Variants in NSD1 observed in about 807,000 individuals in gnomAD.
NSD1 encodes the protein nuclear receptor binding SET domain protein 1.
NSD1 carries 26 observed loss-of-function variants against 242.7 expected under a neutral mutation model. The observed-to-expected ratio is 0.11, with a 90% CI of 0.08 to 0.15. The LOEUF is 0.15. NSD1 is among the 10% of genes least tolerant of loss of function. The probability of loss-of-function intolerance (pLI) is 1.00; values close to 1 mark genes in which losing one functional copy is unlikely to be tolerated. For synonymous variants in NSD1, 1,106 were observed against 1,178.1 expected, an observed-to-expected ratio of 0.94 and a Z score of 1.25; for missense variants, 2,495 against 3,272.8, an observed-to-expected ratio of 0.76 and a Z score of 5.80.
In NSD1 at chr5:177,288,870, C is replaced by T. The variant is rs1178366251; in HGVS notation, c.6203C>T (p.Thr2068Ile). The part of the protein sequence containing the change: ...YNLECLGNGK[T>I]VCKCGAPNCS... Reference sequence around the variant, plus strand: ...CTAGAATGTCTTGGGAATGGAAAGACTGTTTGCAAATGTGGAGCCCCGAAC... The same window carrying T: ...CTAGAATGTCTTGGGAATGGAAAGATTGTTTGCAAATGTGGAGCCCCGAAC... Residue 2068 changes from threonine to isoleucine, a missense_variant, in exon 21 of 23, where the codon ACT becomes ATT. Around this residue, in one of 19 missense-constraint regions of NSD1, gnomAD observed 26 missense variants for 119.1 expected, o/e 0.22. Coordinates refer to ENST00000439151, the MANE Select transcript of NSD1 (RefSeq NM_022455.5). 1 of 1,614,026 alleles carries T rather than the reference C, an allele frequency of 6.2e-7. No individual in the cohort carries two copies. Among genetic ancestry groups the T allele is most frequent in the Non-Finnish European group, 8.5e-7 (1 of 1,180,026 alleles).
intron 2 of NSD1, among the ~76,000 whole-genome samples, chr5:177,190,902 C>G (rs551760312): frequency 6.7e-6 from 1 of 149,948 alleles, no homozygotes; most frequent in South Asian, 2.1e-4. Flanking sequence ...TTCCTGACCT[C>G]GTGATCTGCC....
At chr5:177,165,671 C>T (rs900948923) in intron 2 of NSD1, among the ~76,000 whole-genome samples, 4 of 152,096 alleles carry the variant, frequency 2.6e-5, no homozygotes, top group African/African-American at 9.7e-5. Context: ...TAGCTTACTA[C>T]AGCCTCGACT....
At position 177,259,982 on chromosome 5, in the gene NSD1, G is replaced by T. The variant is rs1756860018; in HGVS notation, c.4967-7G>T. The T allele has an allele frequency of 1.2e-6, 2 of 1,613,992 alleles. No individual in the cohort carries two copies. The highest frequency in any genetic ancestry group is 1.7e-6 in the Non-Finnish European group (2 of 1,180,006). On this transcript the variant is annotated splice_region_variant and splice_polypyrimidine_tract_variant and intron_variant, in intron 13 of 22. Coordinates refer to ENST00000439151, the MANE Select transcript of NSD1 (RefSeq NM_022455.5). ...TCTTTTGCTTGTCCCTGATTTTCCT[G>T]CTTTAGGTCGGTTGATGCGCTGTGT...
rs539626194 is a variant in NSD1 at position 177,162,681 on chromosome 5, C to T, written c.927+26651C>T. Among the ~76,000 whole-genome samples the T allele has an allele frequency of 3.9e-5, 6 of 152,036 alleles. No individual in the cohort carries two copies. In the East Asian group the frequency reaches 9.7e-4, roughly 24 times the overall value. On this transcript the variant is annotated intron_variant, in intron 2 of 22. Transcript: ENST00000439151. ...ACAGGCATGAGTTACCTTGCCTTGC[C>T]CATTATAGCTTTTTTGAGGCTGGGT...
intron 2 of NSD1, among the ~76,000 whole-genome samples, chr5:177,164,177 A>C (rs1400411629): frequency 7.7e-6 from 1 of 130,322 alleles, no homozygotes; most frequent in African/African-American, 2.9e-5. Flanking sequence ...TTTTTTTGAG[A>C]TGGAGTCTAG....
intron 2 of NSD1, among the ~76,000 whole-genome samples, chr5:177,139,228 G>A (rs147387275): frequency 0.032 from 4,580 of 142,968 alleles, 83 homozygotes; most frequent in African/African-American, 0.05. Context: ...TCTAGCCTGG[G>A]CAACAAGAGC....
At position 177,209,995 on chromosome 5, in the gene NSD1, C is replaced by T. The variant is rs1554188977; in HGVS notation, c.1596C>T (p.Asn532=). 1 of 1,614,082 alleles carries T rather than the reference C, an allele frequency of 6.2e-7. No individual in the cohort carries two copies. Residue 532 remains asparagine (N), a synonymous_variant, in exon 5 of 23, where the codon AAC becomes AAT. Coordinates refer to ENST00000439151, the MANE Select transcript of NSD1 (RefSeq NM_022455.5). ...AACGGAGGGGAAAGATTCCAGAGAACCTTGGCCTAAACTTTATCTCTGGGG... is the reference window on the plus strand; with the variant it reads ...AACGGAGGGGAAAGATTCCAGAGAATCTTGGCCTAAACTTTATCTCTGGGG... ...KDERRGKIPE[N]LGLNFISGDI...
At chr5:177,189,523 T>C (rs17077791) in intron 2 of NSD1, among the ~76,000 whole-genome samples, 12,773 of 152,292 alleles carry the variant, frequency 0.084, 1,164 homozygotes, top group African/African-American at 0.23. Context: ...AATGAGGTTT[T>C]GTTGTTATTG....
At chr5:177,256,926 A>G in intron 12 of NSD1, 25 bp from the exon 13 acceptor site, 1 of 1,594,422 alleles carries the variant, frequency 6.3e-7, no homozygotes. Context: ...AATTCTTACT[A>G]ATTTATCTTC....
At chr5:177,185,767 ATT>A (rs1194963716) in intron 2 of NSD1, among the ~76,000 whole-genome samples, 4 of 75,798 alleles carry the variant, frequency 5.3e-5, no homozygotes, top group African/African-American at 2.5e-4. Flanking sequence ...TATTTTATAT[ATT>A]TATATATTAT....
chr5:177,201,562 C>CTT (rs754318510), intron 3 of NSD1, among the ~76,000 whole-genome samples: 9 of 127,276 alleles, frequency 7.1e-5, no homozygotes, highest in East Asian at 4.6e-4. Flanking sequence ...TAACTGTTTA[C>CTT]TTTTTTTTTT....
chr5:177,228,162 T>C lies in NSD1; in HGVS notation c.3797-7659T>C, dbSNP rs541657393. On this transcript the variant is annotated intron_variant, in intron 5 of 22. Coordinates refer to ENST00000439151, the MANE Select transcript of NSD1 (RefSeq NM_022455.5). ...ACTGAGGTCCAAAAATAGGTGAGTA[T>C]AGTGCAATGCAGTTATTTTGGGGCA... 2.6e-5 allele frequency among the ~76,000 whole-genome samples: 4 copies of C among 152,170 alleles called. No individual in the cohort carries two copies. In the East Asian group the frequency reaches 5.8e-4, roughly 22 times the overall value.
intron 17 of NSD1, among the ~76,000 whole-genome samples, chr5:177,277,771 G>C (rs1428130770): frequency 6.6e-6 from 1 of 152,158 alleles, no homozygotes; most frequent in East Asian, 1.9e-4. Context: ...CCTGAGCCTG[G>C]AAAGTCAACG....
chr5:177,299,803 C>T lies in NSD1; in HGVS notation c.*4344C>T, dbSNP rs531214385. On this transcript the variant is annotated 3_prime_UTR_variant, in exon 23 of 23. Transcript: ENST00000439151. Reference sequence around the variant, plus strand: ...AAGACATGGGCACAGAGAGTAGAAGCAGAAATAAATGGTTCTATGTTTTCA... The same window carrying T: ...AAGACATGGGCACAGAGAGTAGAAGTAGAAATAAATGGTTCTATGTTTTCA... 67 of 233,278 alleles carry T rather than the reference C, an allele frequency of 2.9e-4. No individual in the cohort carries two copies. Among genetic ancestry groups the T allele is most frequent in the Admixed American group, 1.9e-3 (33 of 17,794 alleles). 14.5% of individuals were successfully genotyped at this position (233,278 alleles called of 1,614,324 possible).
intron 2 of NSD1, among the ~76,000 whole-genome samples, chr5:177,155,374 C>T (rs1169096798): frequency 2.0e-5 from 3 of 151,240 alleles, no homozygotes; most frequent in Admixed American, 6.6e-5. Flanking sequence ...GTGATCCACC[C>T]GCCTCGGCCT....
At chr5:177,196,528 G>A (rs73347604) in intron 3 of NSD1, among the ~76,000 whole-genome samples, 13,662 of 152,226 alleles carry the variant, frequency 0.09, 2,020 homozygotes, top group African/African-American at 0.31. Context: ...GAGGCTTTCA[G>A]TTCTCAGGTT....
At chr5:177,273,844 C>A in intron 17 of NSD1, 60 bp downstream of exon 17, 5 of 1,075,854 alleles carry the variant, frequency 4.6e-6, no homozygotes, top group African/African-American at 1.5e-5. Context: ...TGGCTCTTCC[C>A]ACTCTGTTCA....
rs1756136578 is a variant in NSD1, at chr5:177,134,511, GCAGGC to G, written c.-18+561_-18+565del. Among the ~76,000 whole-genome samples, 2 of 152,182 alleles carry G rather than the reference GCAGGC, an allele frequency of 1.3e-5. No individual in the cohort carries two copies. Among genetic ancestry groups the G allele is most frequent in the Admixed American group, 6.5e-5 (1 of 15,274 alleles). On this transcript the variant is annotated intron_variant, in intron 1 of 22. Coordinates refer to ENST00000439151, the MANE Select transcript of NSD1 (RefSeq NM_022455.5). This position sits in a 1 kb window ranked among gnomAD's most constrained non-coding sequence, Gnocchi z 4.2. ...TCTTCGCCCTGCAGCTGCGGATCCA[GCAGGC>G]CTGCATTCAGGAAGGCGAGCTCTGG... is the stretch of plus-strand genomic sequence containing the variant.
At chr5:177,162,422 G>T (rs1758835359) in intron 2 of NSD1, among the ~76,000 whole-genome samples, 1 of 152,090 alleles carries the variant, frequency 6.6e-6, no homozygotes, top group African/African-American at 2.4e-5. Context: ...TGAGATGGGG[G>T]TCTCACTCTG....
Sources: allele counts gnomAD v4.1 joint callset (sites outside exome capture counted in the v4.1 genomes callset), GRCh38; gene constraint gnomAD v4.1.1; regional missense constraint gnomAD v4.1.1; non-coding constraint Gnocchi (gnomAD v3.1); transcripts MANE v1.5; gene names NCBI Gene and HGNC (gene_info 2026-07-23, HGNC 2026-07-21).